The following ATXN7 variants were observed in gnomAD, a reference collection of about 807,000 sequenced individuals.
ATXN7 encodes ataxin 7, also known as ataxin-7.
A neutral mutation model predicts 70.5 loss-of-function variants in ATXN7; 12 were observed. The observed-to-expected ratio is 0.17, with a 90% CI of 0.11 to 0.28. The LOEUF (loss-of-function observed/expected upper bound fraction) is 0.28. ATXN7 is among the 10% of genes least tolerant of loss of function. The probability of loss-of-function intolerance (pLI) is 1.00; values close to 1 mark genes in which losing one functional copy is unlikely to be tolerated. For synonymous variants in ATXN7, 498 were observed against 448.7 expected (o/e 1.11, Z -1.39); for missense variants, 1,256 against 1,131.7 (o/e 1.11, Z -1.58).
intron 9 of ATXN7, among the ~76,000 whole-genome samples, chr3:63,989,003 T>C (rs193221899): frequency 1.3e-5 from 2 of 152,318 alleles, no homozygotes; most frequent in Admixed American, 6.5e-5. Context: ...CGTTCATTTA[T>C]TGGGAGCAAG....
chr3:63,870,260 G>T (rs1702556529), intron 1 of ATXN7, among the ~76,000 whole-genome samples: 1 of 152,154 alleles, frequency 6.6e-6, no homozygotes, highest in African/African-American at 2.4e-5. Flanking sequence ...ATTTAAAAAT[G>T]TGAAAGTCAT....
intron 1 of ATXN7, among the ~76,000 whole-genome samples, chr3:63,892,384 A>G (rs1703296872): frequency 6.7e-6 from 1 of 149,936 alleles, no homozygotes; most frequent in Non-Finnish European, 1.5e-5. Flanking sequence ...CCACACACAC[A>G]CACACACACA....
intron 12 of ATXN7, chr3:63,997,702 CAT>C: frequency 6.4e-7 from 1 of 1,551,412 alleles, no homozygotes; most frequent in East Asian, 2.4e-5. Context: ...GGCTCTTTTT[CAT>C]GATTTTTTTT....
chr3:63,917,666 G>A (rs1232294830), intron 4 of ATXN7, among the ~76,000 whole-genome samples: 1 of 152,166 alleles, frequency 6.6e-6, no homozygotes, highest in East Asian at 1.9e-4. Flanking sequence ...TCTGCATTAT[G>A]TGATGGCTCC....
intron 5 of ATXN7, among the ~76,000 whole-genome samples, chr3:63,952,835 CTTTTTTTTTTTTTTTTT>C (rs59256288): frequency 3.1e-4 from 15 of 49,162 alleles, no homozygotes; most frequent in African/African-American, 1.5e-3. Flanking sequence ...ATGCATGGGC[CTTTTTTTTTTTTTTTTT>C]TTTTTTTTTT....
chr3:63,941,341 A>G (rs574169926), intron 4 of ATXN7, among the ~76,000 whole-genome samples: 42 of 152,262 alleles, frequency 2.8e-4, no homozygotes, highest in African/African-American at 9.9e-4. Context: ...AGGAATGAGC[A>G]TTACCGCCTG....
At chr3:63,958,167 C>T (rs909244963) in intron 5 of ATXN7, among the ~76,000 whole-genome samples, 11 of 152,190 alleles carry the variant, frequency 7.2e-5, no homozygotes, top group African/African-American at 2.7e-4. Flanking sequence ...TCTCTCCTTG[C>T]ACATATTACA....
chr3:63,999,205 C>G, intron 12 of ATXN7: 1 of 450,382 alleles, frequency 2.2e-6, no homozygotes, highest in Admixed American at 3.6e-5. Flanking sequence ...GTTAGAAACC[C>G]AGGCCTGCAA....
chr3:63,871,427 A>G (rs767403750), intron 1 of ATXN7, among the ~76,000 whole-genome samples: 2 of 152,226 alleles, frequency 1.3e-5, no homozygotes, highest in South Asian at 2.1e-4. Context: ...GGCAATATGA[A>G]CCCAAAGTCA....
At chr3:63,989,053 G>C (rs1358279237) in intron 9 of ATXN7, among the ~76,000 whole-genome samples, 1 of 152,200 alleles carries the variant, frequency 6.6e-6, no homozygotes, top group Non-Finnish European at 1.5e-5. Context: ...GGCTGCTATT[G>C]CTTACCATTT....
At chr3:63,936,930 A>G (rs970273661) in intron 4 of ATXN7, among the ~76,000 whole-genome samples, 1 of 152,192 alleles carries the variant, frequency 6.6e-6, no homozygotes, top group Non-Finnish European at 1.5e-5. Context: ...GAATGAAAAT[A>G]TTATCATTTT....
At chr3:63,976,862 A>G (rs1189795022) in intron 5 of ATXN7, among the ~76,000 whole-genome samples, 1 of 152,254 alleles carries the variant, frequency 6.6e-6, no homozygotes, top group Non-Finnish European at 1.5e-5. Flanking sequence ...TAGGAACCTA[A>G]TGAAAAGGGT....
At chr3:63,886,165 G>T (rs1227778995) in intron 1 of ATXN7, among the ~76,000 whole-genome samples, 1 of 152,174 alleles carries the variant, frequency 6.6e-6, no homozygotes, top group Admixed American at 6.5e-5. Context: ...GACAAATACT[G>T]CAGGAATCTC....
In ATXN7 at chr3:63,863,937, A is replaced by AGCCGC. The variant is rs1166876530; in HGVS notation, c.-316_-312dup. The AGCCGC allele has an allele frequency of 5.6e-4, 189 of 339,040 alleles. 2 individuals carry two copies. Among genetic ancestry groups the AGCCGC allele is most frequent in the East Asian group, 3.4e-3 (12 of 3,516 alleles). 21.0% of individuals were successfully genotyped at this position (339,040 alleles called of 1,614,324 possible). A position where few individuals can be genotyped will look rare whatever the true frequency, so the allele number is the denominator to read the frequency against. On this transcript the variant is annotated 5_prime_UTR_variant, in exon 1 of 13. An upstream open reading frame in the 5' UTR gains an earlier in-frame stop. Coordinates refer to ENST00000674280, the MANE Select transcript of ATXN7 (RefSeq NM_001377405.1). ...CCGCGGCCGCCTGCTCCGACGCCTGAGCCGCGCCGCGCCGCGCCGCCGCCG... is the reference window on the plus strand; with the variant it reads ...CCGCGGCCGCCTGCTCCGACGCCTGAGCCGCGCCGCGCCGCGCCGCGCCGCCGCCG...
intron 2 of ATXN7, among the ~76,000 whole-genome samples, chr3:63,906,754 A>T (rs1046182696): frequency 6.6e-6 from 1 of 152,126 alleles, no homozygotes; most frequent in Non-Finnish European, 1.5e-5. Context: ...TATATGAGCA[A>T]AGGCTTGGGA....
In ATXN7 at chr3:64,002,017, AAG is replaced by A. The variant is rs1447116001; in HGVS notation, c.*2551_*2552del. The stretch of plus-strand genomic sequence containing the variant: ...TTCTTAACCTACAAAAAAAAAAAAA[AAG>A]TGCTGCAATGATGAACAAAGAATTA... On this transcript the variant is annotated 3_prime_UTR_variant, in exon 13 of 13. Transcript: ENST00000674280. 2.6e-5 allele frequency: 4 copies of A among 152,356 alleles called. No individual in the cohort carries two copies. Among genetic ancestry groups the A allele is most frequent in the African/African-American group, 9.7e-5 (4 of 41,426 alleles). The allele number at this position is 152,356 out of a possible 1,614,324, so 9.4% of individuals were successfully genotyped here.
chr3:63,976,112 A>T (rs568413398), intron 5 of ATXN7, among the ~76,000 whole-genome samples: 2 of 152,178 alleles, frequency 1.3e-5, no homozygotes, highest in Non-Finnish European at 2.9e-5. Context: ...CACTTTGTCC[A>T]CTTAATATAG....
At chr3:63,960,049 A>G (rs1025760051) in intron 5 of ATXN7, among the ~76,000 whole-genome samples, 2 of 152,224 alleles carry the variant, frequency 1.3e-5, no homozygotes, top group Non-Finnish European at 2.9e-5. Context: ...GATAAATGCT[A>G]GGAATAATGT....
intron 5 of ATXN7, among the ~76,000 whole-genome samples, chr3:63,955,859 C>A (rs572739990): frequency 6.6e-6 from 1 of 152,160 alleles, no homozygotes; most frequent in Non-Finnish European, 1.5e-5. Flanking sequence ...CAGGCAGTTC[C>A]GTTAAAACCA....
Sources: allele counts gnomAD v4.1 joint callset (sites outside exome capture counted in the v4.1 genomes callset), GRCh38; gene constraint gnomAD v4.1.1; transcripts MANE v1.5; gene names NCBI Gene and HGNC (gene_info 2026-07-23, HGNC 2026-07-21).